Variants in PRR16 observed in about 807,000 individuals in gnomAD.
PRR16 encodes the protein protein Largen.
A neutral mutation model predicts 18.2 loss-of-function variants in PRR16; 6 were observed. That is an observed-to-expected ratio of 0.33 (90% CI 0.18 to 0.65). The LOEUF is 0.65. Ranked by LOEUF, PRR16 falls within the 30% of genes least tolerant of loss-of-function variation. The pLI, the probability that PRR16 is intolerant of heterozygous loss-of-function variation, is 0.74. For synonymous variants in PRR16, 151 were observed against 147.8 expected (o/e 1.02, Z -0.16); for missense variants, 412 against 376.6 (o/e 1.09, Z -0.78).
At chr5:120,701,949 C>T in the PRR16 span, among the ~76,000 whole-genome samples, 13 of 152,128 alleles carry the variant, frequency 8.5e-5, 1 homozygote, top group South Asian at 1.7e-3. Flanking sequence ...TGGGGTCAAG[C>T]GGCATTGCAG....
At chr5:120,593,337 G>A (rs1037125440) in intron 1 of PRR16, among the ~76,000 whole-genome samples, 1 of 151,878 alleles carries the variant, frequency 6.6e-6, no homozygotes, top group Non-Finnish European at 1.5e-5. Flanking sequence ...TGACCCCAAA[G>A]AGATACAAAT....
At chr5:120,534,886 T>A (rs935045109) in intron 1 of PRR16, among the ~76,000 whole-genome samples, 1 of 152,222 alleles carries the variant, frequency 6.6e-6, no homozygotes, top group Non-Finnish European at 1.5e-5. Context: ...TTTGATTTTC[T>A]TGGTAGTTGA....
intron 1 of PRR16, among the ~76,000 whole-genome samples, chr5:120,508,486 G>A (rs778618237): frequency 3.9e-5 from 6 of 152,120 alleles, no homozygotes; most frequent in Non-Finnish European, 8.8e-5. Flanking sequence ...TATTATATAA[G>A]TAGTGTATTT....
intron 1 of PRR16, among the ~76,000 whole-genome samples, chr5:120,571,929 G>T (rs906393558): frequency 6.6e-6 from 1 of 152,030 alleles, no homozygotes; most frequent in East Asian, 1.9e-4. Flanking sequence ...ACATCTAGAA[G>T]GTCAGACTCA....
the PRR16 span, among the ~76,000 whole-genome samples, chr5:120,764,043 A>G: frequency 2.4e-3 from 367 of 152,162 alleles, 1 homozygote; most frequent in Non-Finnish European, 3.9e-3. Context: ...AGTTTAGAGA[A>G]CTTTTATTTC....
the PRR16 span, among the ~76,000 whole-genome samples, chr5:120,779,323 A>C: frequency 6.6e-6 from 1 of 152,202 alleles, no homozygotes; most frequent in Non-Finnish European, 1.5e-5. Flanking sequence ...CTTTAGAGAA[A>C]ACAGTTCACA....
chr5:120,537,175 G>A (rs1348419597), intron 1 of PRR16, among the ~76,000 whole-genome samples: 2 of 152,220 alleles, frequency 1.3e-5, no homozygotes, highest in South Asian at 4.1e-4. Context: ...ACCCGCACAT[G>A]TACCCCTGAA....
the PRR16 span, among the ~76,000 whole-genome samples, chr5:120,772,692 G>A: frequency 2.0e-5 from 3 of 151,854 alleles, no homozygotes; most frequent in Non-Finnish European, 4.4e-5. Context: ...ATGCAATTAG[G>A]CACCAAATAC....
chr5:120,713,261 C>T, the PRR16 span, among the ~76,000 whole-genome samples: 2 of 152,070 alleles, frequency 1.3e-5, no homozygotes, highest in Non-Finnish European at 2.9e-5. Flanking sequence ...ATTTCACTTA[C>T]GTGTAAAATC....
the PRR16 span, among the ~76,000 whole-genome samples, chr5:120,729,792 G>A: frequency 1.3e-5 from 2 of 152,084 alleles, no homozygotes; most frequent in Non-Finnish European, 2.9e-5. Context: ...ATGGTTCCTG[G>A]GAAAACTGCC....
chr5:120,776,152 T>C, the PRR16 span, among the ~76,000 whole-genome samples: 1 of 152,104 alleles, frequency 6.6e-6, no homozygotes, highest in Non-Finnish European at 1.5e-5. Context: ...CTCGTCATCA[T>C]TGGATATGTA....
intron 1 of PRR16, chr5:120,658,185 G>C (rs781130467): frequency 5.3e-5 from 8 of 151,646 alleles, no homozygotes; most frequent in Non-Finnish European, 1.0e-4. Context: ...AACAATATGT[G>C]ATTTCACAAT....
chr5:120,501,451 TTGA>T (rs1343669941), intron 1 of PRR16, among the ~76,000 whole-genome samples: 3 of 152,100 alleles, frequency 2.0e-5, no homozygotes, highest in Non-Finnish European at 4.4e-5. Context: ...AAATTGAATC[TTGA>T]TGACGATAAA....
chr5:120,533,275 A>G (rs569966676), intron 1 of PRR16, among the ~76,000 whole-genome samples: 1 of 152,334 alleles, frequency 6.6e-6, no homozygotes, highest in South Asian at 2.1e-4. Flanking sequence ...TTGGGTGTCT[A>G]TTATGTGCTA....
chr5:120,728,782 T>A, the PRR16 span, among the ~76,000 whole-genome samples: 1 of 152,212 alleles, frequency 6.6e-6, no homozygotes, highest in Admixed American at 6.5e-5. Context: ...CTACTTATTC[T>A]TATAGCAGCC....
rs1369913706 is a variant in PRR16 at position 120,530,279 on chromosome 5, ATATATTTATTTATT to A, written c.159+65638_159+65651del. ...AATATATATATATATATATATATAT[ATATATTTATTTATT>A]TATTTATTTATTTATTTATATTTTA... On this transcript the variant is annotated intron_variant, in intron 1 of 1. Transcript: ENST00000407149. 1.7e-3 allele frequency among the ~76,000 whole-genome samples: 176 copies of A among 105,054 alleles called. 3 individuals carry two copies. In the East Asian group the frequency reaches 0.023, roughly 13 times the overall value. 68.9% of individuals were successfully genotyped at this position (105,054 alleles called of 152,430 possible).
intron 1 of PRR16, among the ~76,000 whole-genome samples, chr5:120,532,894 C>G (rs908162695): frequency 3.3e-5 from 5 of 152,154 alleles, no homozygotes; most frequent in African/African-American, 4.8e-5. Context: ...AAACTTTTCT[C>G]TATACAAATA....
In PRR16 at chr5:120,654,898, A is replaced by G. The variant is rs569898565; in HGVS notation, c.160-31056A>G. Among the ~76,000 whole-genome samples, 7 of 151,982 alleles carry G rather than the reference A, an allele frequency of 4.6e-5. No individual in the cohort carries two copies. The South Asian group carries it at 8.3e-4, about 18-fold the overall frequency. Reference sequence around the variant, plus strand: ...AACCCAGGACATCCATTACCCAACTATTAGAGATTATCAGAAAGAGAGAGG... The same window carrying G: ...AACCCAGGACATCCATTACCCAACTGTTAGAGATTATCAGAAAGAGAGAGG... On this transcript the variant is annotated intron_variant, in intron 1 of 1. Transcript: ENST00000407149.
At chr5:120,711,750 C>T in the PRR16 span, among the ~76,000 whole-genome samples, 1 of 152,112 alleles carries the variant, frequency 6.6e-6, no homozygotes, top group Non-Finnish European at 1.5e-5. Flanking sequence ...ATGAGATAGT[C>T]TATGATCTGC....
Sources: allele counts gnomAD v4.1 joint callset (sites outside exome capture counted in the v4.1 genomes callset), GRCh38; gene constraint gnomAD v4.1.1; transcripts MANE v1.5; gene names NCBI Gene and HGNC (gene_info 2026-07-23, HGNC 2026-07-21).